The following TRMT9B variants were observed in gnomAD, a reference collection of about 807,000 sequenced individuals.
TRMT9B encodes tRNA methyltransferase 9B (putative).
In TRMT9B, 16 loss-of-function variants were observed where a neutral mutation model predicts 11.5. That is an observed-to-expected ratio of 1.39 (90% CI 0.94 to 2.11). The LOEUF (loss-of-function observed/expected upper bound fraction) is 2.11, where lower values mean the gene tolerates loss of function less well. Among genes scored for constraint, TRMT9B ranks in the 30% most tolerant of loss-of-function variants. TRMT9B has a pLI of 0.00. For missense variants in TRMT9B, 941 were observed against 553.8 expected, an observed-to-expected ratio of 1.70 and a Z score of -7.02; for synonymous variants, 274 against 192.4, an observed-to-expected ratio of 1.42 and a Z score of -3.51.
At chr8:12,961,569 T>C (rs1002533088) in intron 1 of TRMT9B, among the ~76,000 whole-genome samples, 3 of 151,158 alleles carry the variant, frequency 2.0e-5, no homozygotes, top group African/African-American at 7.3e-5. Context: ...GGCGTGGTGG[T>C]GGGCGCCTGT....
intron 3 of TRMT9B, chr8:13,010,959 G>A (rs184066352): frequency 8.4e-5 from 76 of 899,926 alleles, no homozygotes; most frequent in Admixed American, 3.8e-4. Flanking sequence ...TCACATTTAC[G>A]TAGAAATAAT....
rs752738131 is a variant in TRMT9B, at chr8:13,021,101, T to C, written c.422T>C (p.Val141Ala). The C allele has an allele frequency of 2.4e-5, 38 of 1,611,252 alleles. No homozygotes were observed. In the South Asian group the frequency reaches 3.9e-4, roughly 16 times the overall value. Reference sequence around the variant, plus strand: ...CCCGGAGGCCAACTGATGATTTACGTTTGGGCAATGGAACAAAAGAACCGT... The same window carrying C: ...CCCGGAGGCCAACTGATGATTTACGCTTGGGCAATGGAACAAAAGAACCGT... ...LVPGGQLMIY[V>A]WAMEQKNRHF... Residue 141 changes from valine to alanine, a missense_variant, in exon 5 of 5, where the codon GTT becomes GCT. Coordinates refer to ENST00000524591, the MANE Select transcript of TRMT9B (RefSeq NM_020844.3).
intron 1 of TRMT9B, among the ~76,000 whole-genome samples, chr8:12,968,129 C>A (rs936813011): frequency 1.3e-5 from 2 of 152,234 alleles, no homozygotes; most frequent in African/African-American, 4.8e-5. Flanking sequence ...AAGCAATCCA[C>A]CCACCTCGAT....
At position 13,022,090 on chromosome 8, in the gene TRMT9B, T is replaced by A; in HGVS notation, c.*46T>A. 7.2e-7 allele frequency: 1 copy of A among 1,395,070 alleles called. No individual in the cohort carries two copies. Among genetic ancestry groups the A allele is most frequent in the Non-Finnish European group, 9.7e-7 (1 of 1,031,014 alleles). 86.4% of individuals were successfully genotyped at this position (1,395,070 alleles called of 1,614,324 possible). A position where few individuals can be genotyped will look rare whatever the true frequency, so the allele number is the denominator to read the frequency against. On this transcript the variant is annotated 3_prime_UTR_variant, in exon 5 of 5. Coordinates refer to ENST00000524591, the MANE Select transcript of TRMT9B (RefSeq NM_020844.3). ...CCTCCAAAAGATGAACCACATTCTTTCCTCTTGGTTTGATATGGTTACCTG... is the reference window on the plus strand; with the variant it reads ...CCTCCAAAAGATGAACCACATTCTTACCTCTTGGTTTGATATGGTTACCTG...
At chr8:12,999,899 T>C (rs1809087913) in intron 2 of TRMT9B, among the ~76,000 whole-genome samples, 2 of 152,192 alleles carry the variant, frequency 1.3e-5, no homozygotes, top group African/African-American at 4.8e-5. Context: ...TATTATAATA[T>C]ATCTCTACGA....
At chr8:12,971,385 G>C (rs1376802193) in intron 1 of TRMT9B, among the ~76,000 whole-genome samples, 1 of 152,008 alleles carries the variant, frequency 6.6e-6, no homozygotes, top group Non-Finnish European at 1.5e-5. Flanking sequence ...GTGACCTCAG[G>C]GTTCTCCCGG....
intron 3 of TRMT9B, among the ~76,000 whole-genome samples, chr8:13,008,610 C>A (rs751017941): frequency 6.6e-6 from 1 of 152,108 alleles, no homozygotes; most frequent in Non-Finnish European, 1.5e-5. Flanking sequence ...ATAACTTTGA[C>A]CCTATAAAAA....
chr8:12,947,345 A>G (rs1800316418), intron 1 of TRMT9B, among the ~76,000 whole-genome samples: 1 of 152,232 alleles, frequency 6.6e-6, no homozygotes, highest in African/African-American at 2.4e-5. Context: ...ATGCATCAAG[A>G]TGTTATCATG....
intron 1 of TRMT9B, among the ~76,000 whole-genome samples, chr8:12,955,062 A>G (rs1377989470): frequency 6.6e-6 from 1 of 152,222 alleles, no homozygotes; most frequent in East Asian, 1.9e-4. Flanking sequence ...TTGACTAAAT[A>G]TCATCTCCTG....
intron 3 of TRMT9B, chr8:13,006,641 CA>C: frequency 7.4e-7 from 1 of 1,352,474 alleles, no homozygotes; most frequent in Non-Finnish European, 9.5e-7. Context: ...AAGTCAGCAG[CA>C]AGTAAAAAAC....
At chr8:12,970,494 G>T (rs1803448430) in intron 1 of TRMT9B, among the ~76,000 whole-genome samples, 1 of 152,172 alleles carries the variant, frequency 6.6e-6, no homozygotes, top group Non-Finnish European at 1.5e-5. Flanking sequence ...GGTAAACGTG[G>T]ACTCCGTTGT....
At chr8:12,948,879 G>A (rs188794264) in intron 1 of TRMT9B, among the ~76,000 whole-genome samples, 23 of 152,300 alleles carry the variant, frequency 1.5e-4, no homozygotes, top group African/African-American at 5.5e-4. Flanking sequence ...AGAATGGCGT[G>A]AACCTGGGAG....
At chr8:12,966,085 G>C (rs1026548704) in intron 1 of TRMT9B, among the ~76,000 whole-genome samples, 1 of 151,634 alleles carries the variant, frequency 6.6e-6, no homozygotes, top group African/African-American at 2.4e-5. Context: ...GAGCACTTTG[G>C]GAGACCAAGG....
chr8:12,963,310 G>C (rs1255291419), intron 1 of TRMT9B, among the ~76,000 whole-genome samples: 1 of 152,082 alleles, frequency 6.6e-6, no homozygotes, highest in African/African-American at 2.4e-5. Context: ...GCATGCGTCT[G>C]TAATCCCCGC....
chr8:12,995,178 C>G (rs1347193827), intron 2 of TRMT9B, among the ~76,000 whole-genome samples: 2 of 152,190 alleles, frequency 1.3e-5, no homozygotes, highest in Admixed American at 6.5e-5. Context: ...TCTAGACTTT[C>G]TAGAGCAAGA....
chr8:13,018,034 G>A (rs1297877157), intron 4 of TRMT9B, among the ~76,000 whole-genome samples: 1 of 147,962 alleles, frequency 6.8e-6, no homozygotes. Context: ...AAATTATGCT[G>A]TTACATCTGA....
chr8:13,014,927 G>A (rs1355083783), intron 4 of TRMT9B, among the ~76,000 whole-genome samples: 1 of 152,022 alleles, frequency 6.6e-6, no homozygotes, highest in Admixed American at 6.6e-5. Context: ...CGGGCATGGT[G>A]GTGAGCACTT....
rs575221292 is a variant in TRMT9B, at chr8:13,029,126, C to A, written c.*7082C>A. 38 of 166,910 alleles carry A rather than the reference C, an allele frequency of 2.3e-4. No homozygotes were observed. The highest frequency in any genetic ancestry group is 3.9e-4 in the East Asian group (2 of 5,194). The allele number at this position is 166,910 out of a possible 1,614,324, so 10.3% of individuals were successfully genotyped here. A position where few individuals can be genotyped will look rare whatever the true frequency, so the allele number is the denominator to read the frequency against. Reference sequence around the variant, plus strand: ...CAAGAAAAAGTAGTTCTTTTGTGCACGCGTGAATACATCAAATTAGCAATT... The same window carrying A: ...CAAGAAAAAGTAGTTCTTTTGTGCAAGCGTGAATACATCAAATTAGCAATT... On this transcript the variant is annotated 3_prime_UTR_variant, in exon 5 of 5. Coordinates refer to ENST00000524591, the MANE Select transcript of TRMT9B (RefSeq NM_020844.3).
chr8:12,949,631 A>C (rs775024068), intron 1 of TRMT9B, among the ~76,000 whole-genome samples: 14 of 152,176 alleles, frequency 9.2e-5, no homozygotes, highest in Admixed American at 6.5e-5. Flanking sequence ...GTCATAGTTC[A>C]CAAGTCTCTA....
Sources: gnomAD v4.1 joint callset for allele counts (sites outside exome capture counted in the v4.1 genomes callset) on GRCh38, gnomAD v4.1.1 for gene constraint, MANE v1.5 for transcripts, NCBI Gene and HGNC (gene_info 2026-07-23, HGNC 2026-07-21) for gene names.